The following LSS variants were observed in gnomAD, a reference collection of about 807,000 sequenced individuals.
The protein encoded by LSS is lanosterol synthase.
LSS carries 90 observed loss-of-function variants against 110.3 expected under a neutral mutation model. That is an observed-to-expected ratio of 0.82 (90% CI 0.69 to 0.97). The LOEUF (loss-of-function observed/expected upper bound fraction) is 0.97. Among genes scored for constraint, LSS ranks in the 50% least tolerant of loss-of-function variants. The pLI is 0.00. For missense variants in LSS, 927 were observed against 990.0 expected (o/e 0.94, Z 0.85); for synonymous variants, 433 against 400.0 (o/e 1.08, Z -0.98).
intron 10 of LSS, 44 bp from the exon 11 acceptor site, chr21:46,213,096 G>T: frequency 6.2e-7 from 1 of 1,600,346 alleles, no homozygotes; most frequent in South Asian, 1.1e-5. Context: ...GGAGAAAGCT[G>T]GAAGCCCAGC....
chr21:46,219,854 C>A (rs1365408759), intron 5 of LSS, among the ~76,000 whole-genome samples: 1 of 152,230 alleles, frequency 6.6e-6, no homozygotes, highest in Non-Finnish European at 1.5e-5. Context: ...CAGGAAGGAG[C>A]ACATGAAGAC....
intron 5 of LSS, 65 bp from the exon 6 acceptor site, chr21:46,219,637 G>A (rs1267691297): frequency 2.9e-6 from 3 of 1,029,048 alleles, no homozygotes; most frequent in Admixed American, 5.1e-5. Context: ...ACTGCCTCTA[G>A]CTGGGAAGCT....
At chr21:46,191,266 G>A (rs202222731) in intron 21 of LSS, 31 bp from the exon 22 acceptor site, 19 of 1,613,250 alleles carry the variant, frequency 1.2e-5, no homozygotes, top group Middle Eastern at 3.3e-4. Context: ...AAACACAAAG[G>A]CTTCACCAGT....
intron 2 of LSS, among the ~76,000 whole-genome samples, chr21:46,228,028 G>C (rs1193359077): frequency 6.6e-6 from 1 of 152,250 alleles, no homozygotes; most frequent in Non-Finnish European, 1.5e-5. Context: ...GGCCCAAGGG[G>C]CGGCACAGCC....
intron 10 of LSS, among the ~76,000 whole-genome samples, 197 bp downstream of exon 10, chr21:46,213,541 C>A (rs1655838721): frequency 6.6e-6 from 1 of 152,246 alleles, no homozygotes; most frequent in Non-Finnish European, 1.5e-5. Context: ...ACACCCCACA[C>A]TTCCACTGGG....
chr21:46,212,827 A>C (rs532777778), intron 11 of LSS, among the ~76,000 whole-genome samples, 198 bp downstream of exon 11: 77 of 152,358 alleles, frequency 5.1e-4, no homozygotes, highest in Non-Finnish European at 9.7e-4. Flanking sequence ...GCAGACAGAC[A>C]TCGAGAACGG....
chr21:46,192,365 T>C (rs1490783119), intron 20 of LSS: 10 of 406,364 alleles, frequency 2.5e-5, no homozygotes, highest in Admixed American at 5.6e-5. Flanking sequence ...AGCTCAACTG[T>C]GGGTCCCTGA....
At position 46,215,295 on chromosome 21, in the gene LSS, A is replaced by C; in HGVS notation, c.896T>G (p.Leu299Arg). 1 of 1,604,428 alleles carries C rather than the reference A, an allele frequency of 6.2e-7. No individual in the cohort carries two copies. Among genetic ancestry groups the C allele is most frequent in the Non-Finnish European group, 8.5e-7 (1 of 1,176,498 alleles). Residue 299 changes from leucine to arginine, a missense_variant, in exon 9 of 22, where the codon CTC becomes CGC. Transcript: ENST00000397728. ...GTGGTGGTGCTCATACAGGTTGAGGAGCGCTACAGGGGACAGGGGTCAGTG... is the reference window on the plus strand; with the variant it reads ...GTGGTGGTGCTCATACAGGTTGAGGCGCGCTACAGGGGACAGGGGTCAGTG... ...HSWLLRVVYA[L>R]LNLYEHHHSA...
In LSS at chr21:46,192,174, A is replaced by G. The variant is rs945303202; in HGVS notation, c.1989-215T>C. ...CTCCCTGAGAAGCGGAGCCACAGCA[A>G]TGACAGGCTGGGGACACAGGCCTCC... On this transcript the variant is annotated intron_variant, in intron 20 of 21. Coordinates refer to ENST00000397728, the MANE Select transcript of LSS (RefSeq NM_002340.6). The G allele has an allele frequency of 2.3e-5, 14 of 608,508 alleles. 1 individual carries two copies. Among genetic ancestry groups the G allele is most frequent in the Non-Finnish European group, 3.8e-5 (13 of 338,926 alleles). 37.7% of individuals were successfully genotyped at this position (608,508 alleles called of 1,614,324 possible). A position where few individuals can be genotyped will look rare whatever the true frequency, so the allele number is the denominator to read the frequency against.
intron 12 of LSS, among the ~76,000 whole-genome samples, chr21:46,210,234 T>G (rs1437235754): frequency 1.3e-5 from 2 of 151,694 alleles, no homozygotes; most frequent in African/African-American, 4.8e-5. Flanking sequence ...CTTGGCTAAT[T>G]TTTGTGTACT....
intron 11 of LSS, among the ~76,000 whole-genome samples, chr21:46,212,555 G>A (rs913119334): frequency 2.0e-5 from 3 of 152,204 alleles, no homozygotes; most frequent in African/African-American, 7.2e-5. Flanking sequence ...CCTCATGACT[G>A]GGTTCCAGCC....
chr21:46,213,821 G>T lies in LSS; in HGVS notation c.1026C>A (p.Ile342=). 1 of 1,613,780 alleles carries T rather than the reference G, an allele frequency of 6.2e-7. No homozygotes were observed. The change falls in exon 10 of 22, where the codon ATC becomes ATA. Residue 342 remains isoleucine (I), a synonymous_variant. Coordinates refer to ENST00000397728, the MANE Select transcript of LSS (RefSeq NM_002340.6). ...CCACATACCAGCGCACAAGCATGTT[G>T]ATGGTTTTCGAGATCTGCAGGAGAG... ...SISIGPISKT[I]NMLVRWYVDG...
chr21:46,203,600 C>A (rs2080007950), intron 17 of LSS, among the ~76,000 whole-genome samples: 1 of 152,274 alleles, frequency 6.6e-6, no homozygotes, highest in Admixed American at 6.5e-5. Flanking sequence ...AAGGCCAATT[C>A]TCTAAATGTG....
intron 11 of LSS, among the ~76,000 whole-genome samples, chr21:46,211,843 G>A (rs1368848280): frequency 6.6e-6 from 1 of 152,202 alleles, no homozygotes; most frequent in Non-Finnish European, 1.5e-5. Flanking sequence ...GAGACGGCTG[G>A]ACTAACAGGA....
In LSS at chr21:46,216,236, T is replaced by C. The variant is rs1358493216; in HGVS notation, c.783+153A>G. On this transcript the variant is annotated intron_variant, in intron 7 of 21. Coordinates refer to ENST00000397728, the MANE Select transcript of LSS (RefSeq NM_002340.6). This position sits in a 1 kb window ranked among gnomAD's most constrained non-coding sequence, Gnocchi z 4.2. ...GGCAGAGCTTGCTCACTGTTTATTA[T>C]AGGATGGAGGAAGGTGGAGGCTCTG... 2.0e-5 allele frequency among the ~76,000 whole-genome samples: 3 copies of C among 152,174 alleles called. No individual in the cohort carries two copies. The highest frequency in any genetic ancestry group is 2.1e-4 in the South Asian group (1 of 4,832).
chr21:46,219,166 AC>A (rs914243984), intron 6 of LSS, among the ~76,000 whole-genome samples: 4 of 151,830 alleles, frequency 2.6e-5, no homozygotes, highest in East Asian at 3.9e-4. Context: ...GGGGAGGGGC[AC>A]CCCCCCACTT....
chr21:46,201,853 A>G (rs1441385911), intron 17 of LSS, among the ~76,000 whole-genome samples: 5 of 148,378 alleles, frequency 3.4e-5, no homozygotes, highest in Non-Finnish European at 5.9e-5. Flanking sequence ...GCTGGAGTGC[A>G]GTGGCACCAT....
At position 46,227,634 on chromosome 21, in the gene LSS, G is replaced by T. The variant is rs758869315; in HGVS notation, c.237C>A (p.Asn79Lys). ...KAHTAFEGALNGMTFYVGLQA... is the reference protein window; with the variant it reads ...KAHTAFEGALKGMTFYVGLQA... Reference sequence around the variant, plus strand: ...GCAGCCCCACGTAAAATGTCATCCCGTTCAGAGCCCCCTCAAAGGCGGTGT... The same window carrying T: ...GCAGCCCCACGTAAAATGTCATCCCTTTCAGAGCCCCCTCAAAGGCGGTGT... Residue 79 changes from asparagine to lysine, a missense_variant, in exon 3 of 22, where the codon AAC (asparagine) becomes AAA (lysine). Coordinates refer to ENST00000397728, the MANE Select transcript of LSS (RefSeq NM_002340.6). The T allele has an allele frequency of 1.2e-6, 2 of 1,613,458 alleles. No individual in the cohort carries two copies. The highest frequency in any genetic ancestry group is 4.5e-5 in the East Asian group (2 of 44,850).
At chr21:46,196,652 C>A (rs904396810) in intron 17 of LSS, among the ~76,000 whole-genome samples, 1 of 152,184 alleles carries the variant, frequency 6.6e-6, no homozygotes, top group Non-Finnish European at 1.5e-5. Context: ...AAGACCCATC[C>A]TACATCTAAC....
Sources: gnomAD v4.1 joint callset for allele counts (sites outside exome capture counted in the v4.1 genomes callset) on GRCh38, gnomAD v4.1.1 for gene constraint, Gnocchi (gnomAD v3.1) non-coding constraint, MANE v1.5 for transcripts, NCBI Gene and HGNC (gene_info 2026-07-23, HGNC 2026-07-21) for gene names.